The following RABGAP1 variants were observed in gnomAD, a reference collection of about 807,000 sequenced individuals.
The protein encoded by RABGAP1 is RAB GTPase activating protein 1.
Under a neutral mutation model 137.6 loss-of-function variants are expected in RABGAP1, and 23 were observed. The ratio of observed to expected loss-of-function variants is 0.17; its 90% confidence interval spans 0.12 to 0.24. RABGAP1 has a LOEUF of 0.24. Among genes scored for constraint, RABGAP1 ranks in the 10% least tolerant of loss-of-function variants. RABGAP1 has a pLI of 1.00. For synonymous variants in RABGAP1, 451 were observed against 450.7 expected (o/e 1.00, Z -0.01); for missense variants, 906 against 1,275.8 (o/e 0.71, Z 4.42).
chr9:122,981,823 TG>T (rs1836074444), intron 2 of RABGAP1, among the ~76,000 whole-genome samples: 1 of 152,026 alleles, frequency 6.6e-6, no homozygotes. Context: ...CCAAGGTGGG[TG>T]GATCACTTGA....
chr9:122,944,229 CTT>C (rs111695965), intron 1 of RABGAP1, among the ~76,000 whole-genome samples: 2 of 145,040 alleles, frequency 1.4e-5, no homozygotes. Flanking sequence ...ATACAACACA[CTT>C]TTTTTTTTTT....
Position 123,065,476 on chromosome 9 carries a change from A to G in RABGAP1, c.1908+15A>G. The G allele has an allele frequency of 6.5e-7, 1 of 1,528,466 alleles. No homozygotes were observed. The allele number at this position is 1,528,466 out of a possible 1,614,324, so 94.7% of individuals were successfully genotyped here. ...AAATATGCAAGGTATTTCATGTCAA[A>G]AAAAAAAAGGACTCAATTCTGAGTG... On this transcript the variant is annotated intron_variant, in intron 14 of 25. Transcript: ENST00000373647.
chr9:122,939,507 TTTTC>T (rs1239485848), upstream of RABGAP1: 1 of 152,120 alleles, frequency 6.6e-6, no homozygotes, highest in Non-Finnish European at 1.5e-5. Context: ...AAATGCAATG[TTTTC>T]TTTTTTTGTT....
rs141430266 is a variant in RABGAP1 at position 122,950,628 on chromosome 9, A to G, written c.-49-6383A>G. Among the ~76,000 whole-genome samples, 619 of 151,930 alleles carry G rather than the reference A, an allele frequency of 4.1e-3. 5 individuals carry two copies. The highest frequency in any genetic ancestry group is 6.8e-3 in the Middle Eastern group (2 of 292). ...TGTTTACTGGTCTGTTTTCTCTACCACTGTAAGCCTGTCAAAGGTAAGGAG... is the reference window on the plus strand; with the variant it reads ...TGTTTACTGGTCTGTTTTCTCTACCGCTGTAAGCCTGTCAAAGGTAAGGAG... On this transcript the variant is annotated intron_variant, in intron 1 of 25. Transcript: ENST00000373647.
intron 13 of RABGAP1, among the ~76,000 whole-genome samples, chr9:123,044,499 G>A (rs563763866): frequency 2.6e-5 from 4 of 152,182 alleles, no homozygotes; most frequent in South Asian, 2.1e-4. Flanking sequence ...GTATCACTAC[G>A]CCTCCATAGG....
At chr9:122,956,869 A>G (rs1168532258) in intron 1 of RABGAP1, 142 bp from the exon 2 acceptor site, 6 of 350,508 alleles carry the variant, frequency 1.7e-5, no homozygotes, top group Non-Finnish European at 2.9e-5. Context: ...AAAAAACCCT[A>G]AGCTATAAGT....
Position 123,015,582 on chromosome 9 carries a change from C to T in RABGAP1, c.1589C>T (p.Ser530Phe). ...CTCCTGAGTGGATCTGGTGATGTAT[C>T]CAAAGAATGTGCAGAAAAAATTCTT... Reference protein sequence around the residue: ...EPLLSGSGDVSKECAEKILET... With the variant: ...EPLLSGSGDVFKECAEKILET... Residue 530 changes from serine (S) to phenylalanine (F), a missense_variant, in exon 12 of 26, where the codon TCC becomes TTC. By Grantham distance (155) the Ser-to-Phe change is radical. Around this residue, in one of 9 missense-constraint regions of RABGAP1, gnomAD observed 212 missense variants for 289.4 expected, o/e 0.73. Transcript: ENST00000373647. 1 of 1,612,574 alleles carries T rather than the reference C, an allele frequency of 6.2e-7. No homozygotes were observed. Among genetic ancestry groups the T allele is most frequent in the Non-Finnish European group, 8.5e-7 (1 of 1,179,004 alleles).
At chr9:122,986,078 C>G (rs1195052781) in intron 3 of RABGAP1, 137 bp from the exon 4 acceptor site, 1 of 754,970 alleles carries the variant, frequency 1.3e-6, no homozygotes, top group Non-Finnish European at 2.1e-6. Flanking sequence ...ATGGGCATTT[C>G]TTTTAGGGTA....
chr9:122,951,877 G>T (rs1353252688), intron 1 of RABGAP1, among the ~76,000 whole-genome samples: 5 of 152,162 alleles, frequency 3.3e-5, no homozygotes, highest in African/African-American at 1.2e-4. Context: ...CTGGCTAATT[G>T]TGAATCTTTA....
intron 19 of RABGAP1, among the ~76,000 whole-genome samples, chr9:123,088,905 A>G (rs972572317): frequency 6.6e-6 from 1 of 152,120 alleles, no homozygotes; most frequent in African/African-American, 2.4e-5. Flanking sequence ...AGTTGGGGAG[A>G]TGTAAGACCA....
At chr9:123,029,852 C>T in intron 13 of RABGAP1, 1 of 360,858 alleles carries the variant, frequency 2.8e-6, no homozygotes, top group East Asian at 6.5e-5. Flanking sequence ...GTAGTTGACA[C>T]TAATGCCCAG....
chr9:123,093,553 A>G (rs148376672), intron 21 of RABGAP1, among the ~76,000 whole-genome samples: 261 of 152,338 alleles, frequency 1.7e-3, no homozygotes, highest in South Asian at 7.2e-3. Flanking sequence ...TAGTTCTGTG[A>G]CATTTTGCAG....
chr9:123,067,235 T>C (rs1240930567), intron 14 of RABGAP1, among the ~76,000 whole-genome samples: 1 of 152,242 alleles, frequency 6.6e-6, no homozygotes. Context: ...TTCAGTCCTG[T>C]CTTTGTCTAG....
At chr9:122,989,499 A>G in intron 5 of RABGAP1, 28 bp downstream of exon 5, 1 of 1,606,500 alleles carries the variant, frequency 6.2e-7, no homozygotes, top group Middle Eastern at 1.7e-4. Flanking sequence ...AACTCTCTGC[A>G]AATGAAACTT....
At position 123,020,279 on chromosome 9, in the gene RABGAP1, ATGAT is replaced by A. The variant is rs747785805; in HGVS notation, c.1644-28_1644-25del. On this transcript the variant is annotated intron_variant, in intron 12 of 25. Coordinates refer to ENST00000373647, the MANE Select transcript of RABGAP1 (RefSeq NM_012197.4). The stretch of plus-strand genomic sequence containing the variant: ...CTTTAGAGAATCTTATCTTCCTTTT[ATGAT>A]TTATGGTTTATGGCCTTATTTTTAG... 3 of 1,431,662 alleles carry A rather than the reference ATGAT, an allele frequency of 2.1e-6. No homozygotes were observed. The African/African-American group carries it at 4.3e-5, about 21-fold the overall frequency. The allele number at this position is 1,431,662 out of a possible 1,614,324, so 88.7% of individuals were successfully genotyped here. A position where few individuals can be genotyped will look rare whatever the true frequency, so the allele number is the denominator to read the frequency against.
chr9:123,020,480 C>T, intron 13 of RABGAP1, 21 bp downstream of exon 13: 2 of 1,516,188 alleles, frequency 1.3e-6, no homozygotes, highest in Non-Finnish European at 1.8e-6. Flanking sequence ...GATAATTCAG[C>T]TTCAGCATTA....
chr9:123,038,744 A>G (rs1398588992), intron 13 of RABGAP1, among the ~76,000 whole-genome samples: 1 of 151,178 alleles, frequency 6.6e-6, no homozygotes, highest in East Asian at 1.9e-4. Context: ...TTAAGTATTT[A>G]TATTAAATTT....
At chr9:122,993,990 C>G (rs531928964) in intron 6 of RABGAP1, among the ~76,000 whole-genome samples, 1 of 152,246 alleles carries the variant, frequency 6.6e-6, no homozygotes, top group East Asian at 1.9e-4. Context: ...ATTCAAAGTA[C>G]CATTCAAGAC....
chr9:123,025,985 A>C (rs2031936460), intron 13 of RABGAP1, among the ~76,000 whole-genome samples: 1 of 150,052 alleles, frequency 6.7e-6, no homozygotes, highest in Non-Finnish European at 1.5e-5. Flanking sequence ...TTAGTTTTTC[A>C]ATCTTTTGGA....
Sources: allele counts gnomAD v4.1 joint callset (sites outside exome capture counted in the v4.1 genomes callset), GRCh38; gene constraint gnomAD v4.1.1; regional missense constraint gnomAD v4.1.1; transcripts MANE v1.5; gene names NCBI Gene and HGNC (gene_info 2026-07-23, HGNC 2026-07-21).